The following FARS2 variants were observed in gnomAD, a reference collection of about 807,000 sequenced individuals.
FARS2 encodes phenylalanyl-tRNA synthetase 2, mitochondrial, also known as phenylalanine--tRNA ligase, mitochondrial.
Under a neutral mutation model 46.4 loss-of-function variants are expected in FARS2, and 40 were observed. The ratio of observed to expected loss-of-function variants is 0.86; its 90% CI spans 0.67 to 1.12. The LOEUF is 1.12. FARS2 is among the 50% of genes most tolerant of loss of function. FARS2 has a pLI of 0.00. For synonymous variants in FARS2, 234 were observed against 214.9 expected (o/e 1.09, Z -0.78); for missense variants, 513 against 567.9 (o/e 0.90, Z 0.98).
chr6:5,306,361 T>G (rs1351892856), intron 1 of FARS2, among the ~76,000 whole-genome samples: 1 of 152,216 alleles, frequency 6.6e-6, no homozygotes, highest in African/African-American at 2.4e-5. Context: ...AACAGTCTAC[T>G]GGTTCTTTTA....
At chr6:5,435,638 A>C (rs9378950) in intron 4 of FARS2, among the ~76,000 whole-genome samples, 52,347 of 151,984 alleles carry the variant, frequency 0.34, 9,587 homozygotes, top group East Asian at 0.43. Flanking sequence ...CACGTCCCCA[A>C]ATACTACACA....
At chr6:5,421,873 G>C (rs1289834686) in intron 3 of FARS2, among the ~76,000 whole-genome samples, 1 of 152,128 alleles carries the variant, frequency 6.6e-6, no homozygotes, top group Non-Finnish European at 1.5e-5. Context: ...ACATTTTTCT[G>C]TTTTCTTCTG....
At chr6:5,515,416 T>TTTTTTA (rs149947375) in intron 4 of FARS2, among the ~76,000 whole-genome samples, 42 of 152,082 alleles carry the variant, frequency 2.8e-4, no homozygotes, top group South Asian at 1.0e-3. Context: ...GATTCAGCGT[T>TTTTTTA]TTTTTATTTT....
rs963556433 is a variant in FARS2 at position 5,366,072 on chromosome 6, G to C, written c.-21-2478G>C. ...CACTCAGTGTAACTGTTACTGAAAA[G>C]AATCTGCATGTAAGTGGATCTGCAC... On this transcript the variant is annotated intron_variant, in intron 1 of 6. Coordinates refer to ENST00000274680, the MANE Select transcript of FARS2 (RefSeq NM_006567.5). 3.3e-5 allele frequency among the ~76,000 whole-genome samples: 5 copies of C among 152,150 alleles called. No individual in the cohort carries two copies. The South Asian group carries it at 1.0e-3, about 32-fold the overall frequency.
At chr6:5,373,224 T>A (rs1357877566) in intron 2 of FARS2, among the ~76,000 whole-genome samples, 2 of 152,094 alleles carry the variant, frequency 1.3e-5, no homozygotes. Context: ...AGACTTTGGC[T>A]CAAAGTACCA....
At chr6:5,463,829 T>C (rs1765373463) in intron 4 of FARS2, among the ~76,000 whole-genome samples, 1 of 152,232 alleles carries the variant, frequency 6.6e-6, no homozygotes, top group Admixed American at 6.5e-5. Context: ...TGCATTTCTT[T>C]CATTTTCCTT....
In FARS2 at chr6:5,742,552, G is replaced by GT. The variant is rs199942050; in HGVS notation, c.1218-28733dup. Reference sequence around the variant, plus strand: ...GCTTTTAGAGTTGGAGACTTTTGTTGTTTTTTCTGTACAAAGTTTCCTCTT... The same window carrying GT: ...GCTTTTAGAGTTGGAGACTTTTGTTGTTTTTTTCTGTACAAAGTTTCCTCTT... On this transcript the variant is annotated intron_variant, in intron 6 of 6. Coordinates refer to ENST00000274680, the MANE Select transcript of FARS2 (RefSeq NM_006567.5). 4.1e-3 allele frequency among the ~76,000 whole-genome samples: 617 copies of GT among 152,016 alleles called. 3 individuals carry two copies. Among genetic ancestry groups the GT allele is most frequent in the African/African-American group, 0.014 (596 of 41,456 alleles).
intron 6 of FARS2, among the ~76,000 whole-genome samples, chr6:5,636,685 C>T (rs1776560956): frequency 6.6e-6 from 1 of 152,216 alleles, no homozygotes; most frequent in African/African-American, 2.4e-5. Context: ...TTCTGTGCCT[C>T]GCCTTCGTCT....
intron 4 of FARS2, among the ~76,000 whole-genome samples, chr6:5,512,971 C>T (rs1310173918): frequency 5.3e-5 from 8 of 152,092 alleles, no homozygotes; most frequent in African/African-American, 1.7e-4. Context: ...AGGTTTGACG[C>T]AAGAAAGTGT....
At chr6:5,296,396 C>T (rs910335400) in intron 1 of FARS2, among the ~76,000 whole-genome samples, 1 of 152,144 alleles carries the variant, frequency 6.6e-6, no homozygotes, top group Admixed American at 6.5e-5. Context: ...CCGCCTTGGC[C>T]TCCCAAAGTG....
intron 4 of FARS2, among the ~76,000 whole-genome samples, chr6:5,444,886 C>T (rs1424763225): frequency 1.3e-5 from 2 of 152,230 alleles, no homozygotes; most frequent in African/African-American, 4.8e-5. Context: ...GTGGGAAGCA[C>T]ATTGGCCTCA....
chr6:5,602,828 G>A (rs1203150351), intron 5 of FARS2, among the ~76,000 whole-genome samples: 2 of 152,002 alleles, frequency 1.3e-5, no homozygotes, highest in African/African-American at 4.8e-5. Flanking sequence ...CTTTTGGCAC[G>A]CTTATAATTT....
chr6:5,379,952 G>C (rs112654563), intron 2 of FARS2, among the ~76,000 whole-genome samples: 4 of 152,230 alleles, frequency 2.6e-5, no homozygotes, highest in Non-Finnish European at 5.9e-5. Flanking sequence ...TTTTGTGTAG[G>C]TGATAAGTGA....
chr6:5,441,238 A>T (rs1763827939), intron 4 of FARS2, among the ~76,000 whole-genome samples: 1 of 151,860 alleles, frequency 6.6e-6, no homozygotes, highest in African/African-American at 2.4e-5. Context: ...TCCATTTTCT[A>T]ATGAGACTAG....
chr6:5,469,548 A>G (rs1451998586), intron 4 of FARS2, among the ~76,000 whole-genome samples: 2 of 152,228 alleles, frequency 1.3e-5, no homozygotes, highest in Admixed American at 6.5e-5. Flanking sequence ...ACCCTCTGCC[A>G]GGCTCTGGAA....
intron 1 of FARS2, among the ~76,000 whole-genome samples, chr6:5,322,497 T>G (rs1770051482): frequency 6.6e-6 from 1 of 152,228 alleles, no homozygotes; most frequent in African/African-American, 2.4e-5. Context: ...TTGTTTCCAT[T>G]GGCTGAATTT....
Position 5,305,018 on chromosome 6 carries a change from C to T in FARS2, c.-22+43358C>T, listed in dbSNP as rs148573884. 2.9e-3 allele frequency among the ~76,000 whole-genome samples: 440 copies of T among 152,252 alleles called. 4 individuals are homozygous for T. The highest frequency in any genetic ancestry group is 0.01 in the African/African-American group (417 of 41,532). ...AGGGCACTGGAAGTAGCTGGGCATG[C>T]GCTCAGAAGAGTGCCTATTGTGGAC... On this transcript the variant is annotated intron_variant, in intron 1 of 6. Coordinates refer to ENST00000274680, the MANE Select transcript of FARS2 (RefSeq NM_006567.5).
At chr6:5,494,115 C>CT (rs61688373) in intron 4 of FARS2, among the ~76,000 whole-genome samples, 26 of 142,738 alleles carry the variant, frequency 1.8e-4, no homozygotes, top group East Asian at 1.6e-3. Flanking sequence ...CTGTTTCCTC[C>CT]TTTTTTTTTT....
intron 2 of FARS2, among the ~76,000 whole-genome samples, chr6:5,400,454 G>A (rs891700755): frequency 1.3e-5 from 2 of 151,632 alleles, no homozygotes; most frequent in African/African-American, 2.4e-5. Flanking sequence ...TAATGGGAAT[G>A]ATTTTTAGTT....
Sources: allele counts gnomAD v4.1 joint callset (sites outside exome capture counted in the v4.1 genomes callset), GRCh38; gene constraint gnomAD v4.1.1; transcripts MANE v1.5; gene names NCBI Gene and HGNC (gene_info 2026-07-23, HGNC 2026-07-21).